CACHD1: variants seen among roughly 807,000 people sequenced by gnomAD.
CACHD1 encodes the protein VWFA and cache domain-containing protein 1.
CACHD1 carries 71 observed loss-of-function variants against 138.7 expected under a neutral mutation model. The ratio of observed to expected loss-of-function variants is 0.51; its 90% CI spans 0.42 to 0.62. CACHD1 has a LOEUF of 0.62. Ranked by LOEUF, CACHD1 falls within the 20% of genes least tolerant of loss-of-function variation. CACHD1 has a pLI of 0.00. For synonymous variants in CACHD1, 578 were observed against 591.5 expected, an observed-to-expected ratio of 0.98 and a Z score of 0.33; for missense variants, 1,389 against 1,625.3, an observed-to-expected ratio of 0.85 and a Z score of 2.50.
chr1:64,535,399 C>T (rs1570343136), intron 1 of CACHD1, among the ~76,000 whole-genome samples: 1 of 149,948 alleles, frequency 6.7e-6, no homozygotes, highest in African/African-American at 2.5e-5. Context: ...GATCTTGGCT[C>T]ACTGCAACCT....
chr1:64,520,183 C>T lies in CACHD1; in HGVS notation c.199-30411C>T, dbSNP rs572609290. Among the ~76,000 whole-genome samples, 4 of 152,320 alleles carry T rather than the reference C, an allele frequency of 2.6e-5. No homozygotes were observed. In the East Asian group the frequency reaches 7.7e-4, roughly 29 times the overall value. On this transcript the variant is annotated intron_variant, in intron 1 of 26. Coordinates refer to ENST00000651257, the MANE Select transcript of CACHD1 (RefSeq NM_020925.4). ...TCCAACTGTGCCGGACTCATGTCCA[C>T]TTAGGGGACAAGCCTATCAAGGCTA... is the stretch of plus-strand genomic sequence containing the variant.
chr1:64,637,853 C>T (rs935728401), intron 7 of CACHD1, among the ~76,000 whole-genome samples: 1 of 152,020 alleles, frequency 6.6e-6, no homozygotes, highest in Non-Finnish European at 1.5e-5. Context: ...AGGAGCAGTC[C>T]CAGGGTACTC....
intron 2 of CACHD1, among the ~76,000 whole-genome samples, chr1:64,558,559 A>G (rs75433583): frequency 0.062 from 9,397 of 152,254 alleles, 496 homozygotes; most frequent in South Asian, 0.2. Flanking sequence ...AGACAAGCTA[A>G]GCAATAACCA....
chr1:64,576,250 A>G (rs771677637), intron 2 of CACHD1, among the ~76,000 whole-genome samples: 2 of 152,224 alleles, frequency 1.3e-5, no homozygotes, highest in Non-Finnish European at 2.9e-5. Context: ...TTGTGGGTCC[A>G]CCTGTAGCTT....
At chr1:64,475,902 A>G (rs1363889761) in intron 1 of CACHD1, among the ~76,000 whole-genome samples, 1 of 152,204 alleles carries the variant, frequency 6.6e-6, no homozygotes, top group Non-Finnish European at 1.5e-5. Context: ...ACACAAAAAG[A>G]GGCATTATGA....
At chr1:64,487,146 A>G (rs1411760263) in intron 1 of CACHD1, among the ~76,000 whole-genome samples, 2 of 152,190 alleles carry the variant, frequency 1.3e-5, no homozygotes, top group Non-Finnish European at 2.9e-5. Flanking sequence ...TCTGGCTGAA[A>G]TGGGAAGCCA....
At position 64,610,717 on chromosome 1, in the gene CACHD1, G is replaced by A. The variant is rs373561447; in HGVS notation, c.517+7805G>A. ...GCCTTGAGTGTTTGCAGCTTTTCCA[G>A]GTGCACAGTGCAAGCTGTCAGTGAA... On this transcript the variant is annotated intron_variant, in intron 4 of 26. Coordinates refer to ENST00000651257, the MANE Select transcript of CACHD1 (RefSeq NM_020925.4). Among the ~76,000 whole-genome samples, 4 of 152,204 alleles carry A rather than the reference G, an allele frequency of 2.6e-5. No homozygotes were observed. In the East Asian group the frequency reaches 7.7e-4, roughly 29 times the overall value.
At chr1:64,570,861 G>T (rs1050350434) in intron 2 of CACHD1, among the ~76,000 whole-genome samples, 8 of 152,066 alleles carry the variant, frequency 5.3e-5, no homozygotes, top group African/African-American at 1.9e-4. Context: ...ACTAAGTTGT[G>T]GGGGGCGGGC....
At chr1:64,530,869 T>TA (rs1393982978) in intron 1 of CACHD1, among the ~76,000 whole-genome samples, 1,262 of 114,194 alleles carry the variant, frequency 0.011, 20 homozygotes, top group African/African-American at 0.023. Context: ...AGACTCTGTC[T>TA]AAAAAAAAAA....
chr1:64,562,070 G>A lies in CACHD1; in HGVS notation c.261+11414G>A, dbSNP rs114429379. On this transcript the variant is annotated intron_variant, in intron 2 of 26. Coordinates refer to ENST00000651257, the MANE Select transcript of CACHD1 (RefSeq NM_020925.4). ...TTATTCATTTAATTATTCTGGCTGC[G>A]CTCAAGATTTTTCTCTGCTTCCGTT... Among the ~76,000 whole-genome samples, 896 of 152,036 alleles carry A rather than the reference G, an allele frequency of 5.9e-3. 9 individuals are homozygous for A. Among genetic ancestry groups the A allele is most frequent in the African/African-American group, 0.021 (854 of 41,480 alleles).
At chr1:64,535,249 G>A (rs307339) in intron 1 of CACHD1, among the ~76,000 whole-genome samples, 6,990 of 150,956 alleles carry the variant, frequency 0.046, 546 homozygotes, top group African/African-American at 0.16. Flanking sequence ...CTCTCCCTCC[G>A]TCTTTCTCCA....
At chr1:64,624,211 C>T (rs1648019937) in intron 4 of CACHD1, among the ~76,000 whole-genome samples, 1 of 152,208 alleles carries the variant, frequency 6.6e-6, no homozygotes, top group Admixed American at 6.5e-5. Flanking sequence ...GAGTCCTCAG[C>T]AGGAGAATTG....
intron 1 of CACHD1, among the ~76,000 whole-genome samples, chr1:64,536,893 T>C (rs1017132418): frequency 6.6e-6 from 1 of 152,138 alleles, no homozygotes; most frequent in Non-Finnish European, 1.5e-5. Flanking sequence ...ATCTATTCTG[T>C]CTCTGTGGGG....
Position 64,692,125 on chromosome 1 carries a change from A to G in CACHD1, c.*564A>G, listed in dbSNP as rs1650583664. ...TTTTCTACTATTTATTGAACTTTCA[A>G]ACATTCTCAAACTTTGGGGAAAAGG... On this transcript the variant is annotated 3_prime_UTR_variant, in exon 27 of 27. Coordinates refer to ENST00000651257, the MANE Select transcript of CACHD1 (RefSeq NM_020925.4). 1 of 154,124 alleles carries G rather than the reference A, an allele frequency of 6.5e-6. No homozygotes were observed. The highest frequency in any genetic ancestry group is 2.4e-5 in the African/African-American group (1 of 41,470). 9.5% of individuals were successfully genotyped at this position (154,124 alleles called of 1,614,324 possible). A position where few individuals can be genotyped will look rare whatever the true frequency, so the allele number is the denominator to read the frequency against.
intron 4 of CACHD1, among the ~76,000 whole-genome samples, chr1:64,615,408 G>C (rs1443986139): frequency 6.6e-6 from 1 of 152,138 alleles, no homozygotes; most frequent in Non-Finnish European, 1.5e-5. Context: ...GGCCTTCCAG[G>C]GTTGTGTTGG....
intron 1 of CACHD1, among the ~76,000 whole-genome samples, chr1:64,471,506 C>G (rs1345992128): frequency 1.3e-5 from 2 of 152,214 alleles, no homozygotes; most frequent in Non-Finnish European, 2.9e-5. Context: ...CACCTAGGTC[C>G]CGGCGGAGAG....
chr1:64,582,654 T>A (rs1308216932), intron 3 of CACHD1, among the ~76,000 whole-genome samples: 1 of 152,154 alleles, frequency 6.6e-6, no homozygotes, highest in African/African-American at 2.4e-5. Context: ...TTTAAGGGAG[T>A]GCCTTTTGTC....
rs770509207 is a variant in CACHD1 at position 64,663,733 on chromosome 1, T to G, written c.1990T>G (p.Ser664Ala). 1.2e-6 allele frequency: 2 copies of G among 1,613,730 alleles called. No individual in the cohort carries two copies. Among genetic ancestry groups the G allele is most frequent in the East Asian group, 2.2e-5 (1 of 44,852 alleles). ...TIMLSAGSFS[S>A]PYEHLSQPET... is the part of the protein sequence containing the mutation. ...CATGCTGTCTGCTGGCAGCTTTTCC[T>G]CCCCCTATGAGCACCTCAGCCAGCC... Residue 664 changes from serine (S) to alanine (A), a missense_variant, in exon 14 of 27, where the codon TCC becomes GCC. Transcript: ENST00000651257.
chr1:64,567,256 G>A (rs868103354), intron 2 of CACHD1, among the ~76,000 whole-genome samples: 1 of 151,886 alleles, frequency 6.6e-6, no homozygotes, highest in Non-Finnish European at 1.5e-5. Context: ...AGGAGCATTT[G>A]TTCATGCATT....
Sources: allele counts gnomAD v4.1 joint callset (sites outside exome capture counted in the v4.1 genomes callset), GRCh38; gene constraint gnomAD v4.1.1; transcripts MANE v1.5; gene names NCBI Gene and HGNC (gene_info 2026-07-23, HGNC 2026-07-21).